The following FAR2 variants were observed in gnomAD, a reference collection of about 807,000 sequenced individuals.
FAR2 encodes the protein epididymis secretory protein Li 81.
A neutral mutation model predicts 56.0 loss-of-function variants in FAR2; 19 were observed. That is an observed-to-expected ratio of 0.34 (90% CI 0.24 to 0.50). The LOEUF is 0.50. Among genes scored for constraint, FAR2 ranks in the 20% least tolerant of loss-of-function variants. The probability of loss-of-function intolerance (pLI) is 0.98; values close to 1 mark genes in which losing one functional copy is unlikely to be tolerated. For synonymous variants in FAR2, 219 were observed against 218.8 expected, an observed-to-expected ratio of 1.00 and a Z score of -0.01; for missense variants, 508 against 642.2, an observed-to-expected ratio of 0.79 and a Z score of 2.26.
intron 2 of FAR2, chr12:29,291,327 G>T (rs187354265): frequency 4.4e-6 from 2 of 454,020 alleles, no homozygotes; most frequent in Admixed American, 2.4e-5. Context: ...AATTTCCTAG[G>T]TTACACACAA....
At chr12:29,190,724 A>G (rs1476769726) in intron 1 of FAR2, among the ~76,000 whole-genome samples, 3 of 151,924 alleles carry the variant, frequency 2.0e-5, no homozygotes, top group Non-Finnish European at 4.4e-5. Flanking sequence ...CGGCCTCCCA[A>G]AGTGCTGGGA....
Position 29,261,724 on chromosome 12 carries a change from T to G in FAR2, c.-38-8688T>G, listed in dbSNP as rs188360894. On this transcript the variant is annotated intron_variant, in intron 1 of 11. Coordinates refer to ENST00000536681, the MANE Select transcript of FAR2 (RefSeq NM_001271783.2). ...AGTTCCAATACATCTGGTAGCAGGC[T>G]TTTCAGTGAAAACCTTACAGGCCAG... Among the ~76,000 whole-genome samples the G allele has an allele frequency of 2.0e-4, 30 of 152,330 alleles. No individual in the cohort carries two copies. In the Middle Eastern group the frequency reaches 0.017, roughly 86 times the overall value.
chr12:29,249,894 A>G (rs1948180586), intron 1 of FAR2, among the ~76,000 whole-genome samples: 1 of 152,134 alleles, frequency 6.6e-6, no homozygotes, highest in South Asian at 2.1e-4. Flanking sequence ...CTTACTTCCG[A>G]ATCAGTGGGA....
chr12:29,209,692 CTGTGTGTG>C (rs34881464), intron 1 of FAR2, among the ~76,000 whole-genome samples: 30 of 149,190 alleles, frequency 2.0e-4, no homozygotes, highest in African/African-American at 5.4e-4. Context: ...GATGTCTGCT[CTGTGTGTG>C]TGTGTGTGTG....
chr12:29,182,794 C>T (rs1950003542), intron 1 of FAR2, among the ~76,000 whole-genome samples: 1 of 151,972 alleles, frequency 6.6e-6, no homozygotes, highest in African/African-American at 2.4e-5. Context: ...GGGAGAGGGC[C>T]GTTTAGGGGA....
chr12:29,222,194 T>C (rs932009751), intron 1 of FAR2, among the ~76,000 whole-genome samples: 2 of 152,154 alleles, frequency 1.3e-5, no homozygotes, highest in African/African-American at 2.4e-5. Context: ...CATCACTCAC[T>C]GTTATAAGAA....
intron 2 of FAR2, chr12:29,278,019 A>C (rs973661503): frequency 6.7e-6 from 1 of 148,382 alleles, no homozygotes; most frequent in African/African-American, 2.5e-5. Context: ...GTAACCTTAA[A>C]CTCCTGGGTT....
chr12:29,335,165 C>T lies in FAR2; in HGVS notation c.*1371C>T, dbSNP rs1488178852. ...ATGGCAGTTATATTTATGCTCACTT[C>T]CTGGAGTAATTGGGTAATATTCAGA... On this transcript the variant is annotated 3_prime_UTR_variant, in exon 12 of 12. Transcript: ENST00000536681. 1 of 152,130 alleles carries T rather than the reference C, an allele frequency of 6.6e-6. No homozygotes were observed. The highest frequency in any genetic ancestry group is 1.5e-5 in the Non-Finnish European group (1 of 68,020). The allele number at this position is 152,130 out of a possible 1,614,324, so 9.4% of individuals were successfully genotyped here.
In FAR2 at chr12:29,311,981, T is replaced by G. The variant is rs78351134; in HGVS notation, c.955+31T>G. 7.9e-5 allele frequency: 119 copies of G among 1,508,838 alleles called. 1 individual carries two copies. The East Asian group carries it at 2.1e-3, about 26-fold the overall frequency. 93.5% of individuals were successfully genotyped at this position (1,508,838 alleles called of 1,614,324 possible). On this transcript the variant is annotated intron_variant, in intron 8 of 11. Transcript: ENST00000536681. ...TACTTTAGCTATGTAACTCTATAAT[T>G]ACTAGTGTCTGGCACAGAGAAAAAG...
chr12:29,265,597 T>C (rs186789030), intron 1 of FAR2, among the ~76,000 whole-genome samples: 30 of 152,118 alleles, frequency 2.0e-4, no homozygotes, highest in Non-Finnish European at 3.5e-4. Context: ...TCAGGGAAAG[T>C]CTCCAGTACA....
intron 1 of FAR2, among the ~76,000 whole-genome samples, chr12:29,168,089 GATC>G (rs1949847708): frequency 6.6e-6 from 1 of 152,174 alleles, no homozygotes; most frequent in African/African-American, 2.4e-5. Context: ...CAGAGGGTGG[GATC>G]TTGATAACGT....
intron 2 of FAR2, among the ~76,000 whole-genome samples, chr12:29,286,904 T>C (rs1948885102): frequency 6.6e-6 from 1 of 152,056 alleles, no homozygotes; most frequent in African/African-American, 2.4e-5. Flanking sequence ...GCATAATATA[T>C]GCTTAATTCT....
intron 5 of FAR2, among the ~76,000 whole-genome samples, chr12:29,308,730 A>G (rs1341596904): frequency 6.7e-6 from 1 of 149,970 alleles, no homozygotes; most frequent in African/African-American, 2.5e-5. Context: ...ATATATATAT[A>G]TATGTATATA....
At chr12:29,211,902 AT>A (rs1405334655) in intron 1 of FAR2, among the ~76,000 whole-genome samples, 1 of 148,894 alleles carries the variant, frequency 6.7e-6, no homozygotes, top group South Asian at 2.2e-4. Flanking sequence ...AAAAGGGAAA[AT>A]TTGGACACAG....
chr12:29,327,004 C>G (rs1476573732), intron 10 of FAR2, among the ~76,000 whole-genome samples: 1 of 152,054 alleles, frequency 6.6e-6, no homozygotes, highest in East Asian at 1.9e-4. Flanking sequence ...CTAGAAAACC[C>G]CATCATCTCA....
intron 1 of FAR2, among the ~76,000 whole-genome samples, chr12:29,240,665 T>C (rs1948014554): frequency 6.6e-6 from 1 of 152,154 alleles, no homozygotes; most frequent in Non-Finnish European, 1.5e-5. Context: ...GTTTAGTAAC[T>C]ATATCCAGAG....
intron 1 of FAR2, among the ~76,000 whole-genome samples, chr12:29,260,941 C>T (rs1948407791): frequency 6.6e-6 from 1 of 152,194 alleles, no homozygotes; most frequent in South Asian, 2.1e-4. Context: ...GTTTGGGGTA[C>T]TCCCTAATGC....
chr12:29,253,948 T>A (rs1048431274), intron 1 of FAR2, among the ~76,000 whole-genome samples: 1 of 152,222 alleles, frequency 6.6e-6, no homozygotes, highest in African/African-American at 2.4e-5. Context: ...TCATTTCTCT[T>A]AAACTTGATT....
At chr12:29,266,860 T>C (rs542750046) in intron 1 of FAR2, among the ~76,000 whole-genome samples, 1 of 152,272 alleles carries the variant, frequency 6.6e-6, no homozygotes, top group South Asian at 2.1e-4. Context: ...TTTTAGATCA[T>C]ACCTTGCAAA....
Sources: allele counts gnomAD v4.1 joint callset (sites outside exome capture counted in the v4.1 genomes callset), GRCh38; gene constraint gnomAD v4.1.1; transcripts MANE v1.5; gene names NCBI Gene and HGNC (gene_info 2026-07-23, HGNC 2026-07-21).